MRPL13: variants seen among roughly 807,000 people sequenced by gnomAD.
The protein encoded by MRPL13 is large ribosomal subunit protein uL13m.
In MRPL13, 33 loss-of-function variants were observed where a neutral mutation model predicts 29.0. The observed-to-expected ratio is 1.14, with a 90% CI of 0.86 to 1.52. The LOEUF is 1.52. Ranked by LOEUF, MRPL13 falls within the 40% of genes most tolerant of loss-of-function variation. The probability of loss-of-function intolerance (pLI) is 0.00; values close to 1 mark genes in which losing one functional copy is unlikely to be tolerated. For missense variants in MRPL13, 227 were observed against 216.7 expected, an observed-to-expected ratio of 1.05 and a Z score of -0.30; for synonymous variants, 77 against 68.4, an observed-to-expected ratio of 1.13 and a Z score of -0.62.
chr8:120,418,588 T>C (rs755596109), intron 5 of MRPL13, among the ~76,000 whole-genome samples: 11 of 152,122 alleles, frequency 7.2e-5, no homozygotes, highest in Non-Finnish European at 1.5e-4. Context: ...ATTTATTTTA[T>C]AGTCTGAAAT....
chr8:120,442,713 A>G (rs1357754135), intron 2 of MRPL13, among the ~76,000 whole-genome samples: 1 of 152,176 alleles, frequency 6.6e-6, no homozygotes, highest in Non-Finnish European at 1.5e-5. Flanking sequence ...TATTTTGGAA[A>G]AAGGATACAG....
intron 5 of MRPL13, among the ~76,000 whole-genome samples, chr8:120,418,989 G>T (rs1383486073): frequency 6.6e-6 from 1 of 151,988 alleles, no homozygotes; most frequent in Admixed American, 6.6e-5. Flanking sequence ...GTTATAACTT[G>T]ATATTTTGGA....
At chr8:120,400,697 AAAATAAATAAATAAATAAATAAATAAAT>A (rs199590776) in intron 6 of MRPL13, among the ~76,000 whole-genome samples, 1 of 132,048 alleles carries the variant, frequency 7.6e-6, no homozygotes. Context: ...GGTTTTTTGG[AAAATAAATAAATAAATAAATAAATAAAT>A]AAATAAATAA....
intron 6 of MRPL13, among the ~76,000 whole-genome samples, chr8:120,413,712 A>G (rs532235983): frequency 4.4e-4 from 67 of 152,332 alleles, no homozygotes; most frequent in African/African-American, 1.4e-3. Context: ...AACAATTCAT[A>G]TATCATTCCT....
chr8:120,408,488 C>G (rs971365592), intron 6 of MRPL13, among the ~76,000 whole-genome samples: 2 of 152,190 alleles, frequency 1.3e-5, no homozygotes, highest in African/African-American at 4.8e-5. Flanking sequence ...AGACTGAAGT[C>G]TATCATTGAA....
intron 5 of MRPL13, chr8:120,415,389 A>G (rs1381523291): frequency 2.0e-5 from 3 of 152,196 alleles, no homozygotes; most frequent in Non-Finnish European, 4.4e-5. Flanking sequence ...TGGGAATCCA[A>G]TATCTGGCCA....
chr8:120,429,437 C>A (rs1197420805), intron 3 of MRPL13, among the ~76,000 whole-genome samples: 2 of 151,356 alleles, frequency 1.3e-5, no homozygotes, highest in Non-Finnish European at 1.5e-5. Flanking sequence ...CAACAAACCC[C>A]CATGATACAA....
chr8:120,441,187 C>A (rs975214103), intron 2 of MRPL13, among the ~76,000 whole-genome samples: 4 of 152,068 alleles, frequency 2.6e-5, no homozygotes, highest in Non-Finnish European at 4.4e-5. Context: ...AGATAAGAAG[C>A]AAGACATCTC....
chr8:120,420,170 A>G (rs1800996522), intron 4 of MRPL13, among the ~76,000 whole-genome samples: 1 of 151,882 alleles, frequency 6.6e-6, no homozygotes, highest in Admixed American at 6.6e-5. Context: ...AAAAAAGATT[A>G]AAAGTAACCC....
At chr8:120,410,149 C>T (rs1374621293) in intron 6 of MRPL13, among the ~76,000 whole-genome samples, 2 of 152,078 alleles carry the variant, frequency 1.3e-5, no homozygotes, top group East Asian at 1.9e-4. Context: ...ATAAGATGTA[C>T]ATTCTAATAT....
intron 2 of MRPL13, among the ~76,000 whole-genome samples, chr8:120,441,378 A>C (rs767387265): frequency 6.6e-6 from 1 of 152,152 alleles, no homozygotes; most frequent in Non-Finnish European, 1.5e-5. Flanking sequence ...CTAAGGCATG[A>C]GAAGAGGTTC....
At chr8:120,438,627 C>G (rs545302089) in intron 2 of MRPL13, among the ~76,000 whole-genome samples, 1 of 152,272 alleles carries the variant, frequency 6.6e-6, no homozygotes, top group East Asian at 1.9e-4. Context: ...CCTAAGAGAT[C>G]TCATTTATTA....
chr8:120,434,384 T>C (rs942919459), intron 2 of MRPL13, among the ~76,000 whole-genome samples: 11 of 152,118 alleles, frequency 7.2e-5, no homozygotes, highest in Non-Finnish European at 1.2e-4. Context: ...GCTAACGTAC[T>C]CCCTCTGCCT....
chr8:120,403,328 C>T (rs4871062), intron 6 of MRPL13, among the ~76,000 whole-genome samples: 87,801 of 151,966 alleles, frequency 0.58, 26,770 homozygotes, highest in Non-Finnish European at 0.67. Context: ...AATGAGATCA[C>T]GTCCTTTGCA....
intron 6 of MRPL13, among the ~76,000 whole-genome samples, chr8:120,410,018 G>T (rs1005472583): frequency 6.6e-6 from 1 of 152,130 alleles, no homozygotes; most frequent in African/African-American, 2.4e-5. Flanking sequence ...AAGCAATTTT[G>T]TTAATCATCT....
chr8:120,413,859 T>C lies in MRPL13; in HGVS notation c.515+132A>G, dbSNP rs376030314. ...ACATCTAGAGTTTATTTGTAGGTAG[T>C]AGCTGCTGAGTTCCCAGGGGAGCAA... On this transcript the variant is annotated intron_variant, in intron 6 of 6. Coordinates refer to ENST00000306185, the MANE Select transcript of MRPL13 (RefSeq NM_014078.6). The C allele has an allele frequency of 9.5e-6, 11 of 1,151,840 alleles. No individual in the cohort carries two copies. The African/African-American group carries it at 1.3e-4, about 13-fold the overall frequency. The allele number at this position is 1,151,840 out of a possible 1,614,324, so 71.4% of individuals were successfully genotyped here.
At position 120,416,311 on chromosome 8, in the gene MRPL13, G is replaced by A. The variant is rs1455042285; in HGVS notation, c.394-2199C>T. 2.0e-5 allele frequency among the ~76,000 whole-genome samples: 3 copies of A among 152,002 alleles called. No homozygotes were observed. In the South Asian group the frequency reaches 6.2e-4, roughly 32 times the overall value. ...AGATCGAGACCATCCTGGCTAACAC[G>A]GTGAAACCCCGTCTCTACTAAAAAT... is the stretch of plus-strand genomic sequence containing the variant. On this transcript the variant is annotated intron_variant, in intron 5 of 6. Transcript: ENST00000306185.
At chr8:120,421,833 TA>T (rs1175717330) in intron 4 of MRPL13, among the ~76,000 whole-genome samples, 24 of 151,926 alleles carry the variant, frequency 1.6e-4, no homozygotes, top group Admixed American at 3.9e-4. Flanking sequence ...ACAGTTAACA[TA>T]AAATAGAAAC....
intron 2 of MRPL13, among the ~76,000 whole-genome samples, chr8:120,441,548 C>T (rs891731832): frequency 6.6e-6 from 1 of 151,986 alleles, no homozygotes; most frequent in African/African-American, 2.4e-5. Context: ...AGAAAGTTCT[C>T]CAGATGAAAA....
Sources: gnomAD v4.1 joint callset for allele counts (sites outside exome capture counted in the v4.1 genomes callset) on GRCh38, gnomAD v4.1.1 for gene constraint, MANE v1.5 for transcripts, NCBI Gene and HGNC (gene_info 2026-07-23, HGNC 2026-07-21) for gene names.